The following GNB4 variants were observed in gnomAD, a reference collection of about 807,000 sequenced individuals.
GNB4 encodes the protein G protein subunit beta 4, also known as guanine nucleotide-binding protein subunit beta-4.
A neutral mutation model predicts 45.2 loss-of-function variants in GNB4; 28 were observed. The observed-to-expected ratio is 0.62, with a 90% confidence interval of 0.46 to 0.85. GNB4 has a LOEUF of 0.85. Among genes scored for constraint, GNB4 ranks in the 40% least tolerant of loss-of-function variants. GNB4 has a pLI of 0.00. For synonymous variants in GNB4, 132 were observed against 143.7 expected (o/e 0.92, Z 0.58); for missense variants, 321 against 425.4 (o/e 0.75, Z 2.16).
intron 1 of GNB4, among the ~76,000 whole-genome samples, chr3:179,428,881 C>T (rs1715222844): frequency 6.6e-6 from 1 of 152,138 alleles, no homozygotes; most frequent in South Asian, 2.1e-4. Flanking sequence ...CAGGAGTTAC[C>T]TGTAATAAGA....
the GNB4 span, among the ~76,000 whole-genome samples, chr3:179,509,162 TATAC>T: frequency 2.5e-5 from 2 of 78,920 alleles, no homozygotes; most frequent in Non-Finnish European, 5.4e-5. Context: ...TATGCATATA[TATAC>T]ATACACACAC....
chr3:179,453,928 G>T (rs1715941156), upstream of GNB4, among the ~76,000 whole-genome samples: 1 of 151,520 alleles, frequency 6.6e-6, no homozygotes, highest in South Asian at 2.1e-4. Flanking sequence ...AAAGAATTTT[G>T]TCATCAGGAA....
At chr3:179,420,112 A>G (rs575666694) in intron 3 of GNB4, among the ~76,000 whole-genome samples, 123 of 151,146 alleles carry the variant, frequency 8.1e-4, no homozygotes, top group African/African-American at 2.9e-3. Context: ...ATACATATAT[A>G]TATACATACA....
the GNB4 span, among the ~76,000 whole-genome samples, chr3:179,469,737 CTCTT>C: frequency 1.3e-5 from 2 of 152,196 alleles, no homozygotes; most frequent in African/African-American, 4.8e-5. Context: ...TCTTTCCTCT[CTCTT>C]TCCACCACAG....
intron 4 of GNB4, among the ~76,000 whole-genome samples, chr3:179,418,762 T>C (rs1378734714): frequency 6.6e-6 from 1 of 152,248 alleles, no homozygotes; most frequent in Non-Finnish European, 1.5e-5. Context: ...ACCACTGTGA[T>C]AGCAGACACA....
chr3:179,453,494 G>A (rs1715934786), upstream of GNB4, among the ~76,000 whole-genome samples: 1 of 152,170 alleles, frequency 6.6e-6, no homozygotes. Context: ...ATAAAGCTTT[G>A]AGAGCTGGTT....
chr3:179,522,875 G>A, the GNB4 span, among the ~76,000 whole-genome samples: 607 of 152,286 alleles, frequency 4.0e-3, 3 homozygotes, highest in African/African-American at 0.014. Flanking sequence ...GGTCCTGGCT[G>A]TTGTGTAGGA....
the GNB4 span, among the ~76,000 whole-genome samples, chr3:179,526,000 T>C: frequency 6.6e-6 from 1 of 152,198 alleles, no homozygotes; most frequent in African/African-American, 2.4e-5. Flanking sequence ...ACAGGCTTTG[T>C]GTGAGCAACA....
At chr3:179,415,235 ATTGTT>A (rs1236859342) in intron 5 of GNB4, among the ~76,000 whole-genome samples, 188 bp from the exon 6 acceptor site, 2 of 152,304 alleles carry the variant, frequency 1.3e-5, no homozygotes, top group Admixed American at 6.5e-5. Context: ...TAAAATGCCT[ATTGTT>A]TTGTATTATC....
chr3:179,469,379 G>T, the GNB4 span, among the ~76,000 whole-genome samples: 1 of 152,128 alleles, frequency 6.6e-6, no homozygotes, highest in South Asian at 2.1e-4. Context: ...CTGAAAAAAT[G>T]AGATAAATCA....
At position 179,413,697 on chromosome 3, in the gene GNB4, C is replaced by G. The variant is rs369750242; in HGVS notation, c.497+18G>C. The G allele has an allele frequency of 7.4e-6, 12 of 1,612,098 alleles. No individual in the cohort carries two copies. In the African/African-American group the frequency reaches 1.6e-4, roughly 22 times the overall value. ...CACCCTCAAACCCATAATCAGTGTG[C>G]TTCTGGAATAAACTTACCAAGTTGT... On this transcript the variant is annotated intron_variant, in intron 7 of 9. Coordinates refer to ENST00000232564, the MANE Select transcript of GNB4 (RefSeq NM_021629.4).
At chr3:179,405,087 C>G (rs1714423602) in intron 9 of GNB4, 103 bp downstream of exon 9, 1 of 766,910 alleles carries the variant, frequency 1.3e-6, no homozygotes, top group Non-Finnish European at 2.1e-6. Context: ...CGGGTTACCA[C>G]TTTCCACAAC....
At position 179,398,627 on chromosome 3, in the gene GNB4, C is replaced by T. The variant is rs1714192232; in HGVS notation, c.*2586G>A. 6.6e-6 allele frequency: 1 copy of T among 151,846 alleles called. No individual in the cohort carries two copies. Among genetic ancestry groups the T allele is most frequent in the Admixed American group, 6.6e-5 (1 of 15,246 alleles). 9.4% of individuals were successfully genotyped at this position (151,846 alleles called of 1,614,324 possible). On this transcript the variant is annotated 3_prime_UTR_variant, in exon 10 of 10. Transcript: ENST00000232564. ...TCAGCCTTAAAAACTAAGATCCAAA[C>T]TATTCAACATCTCTACAAATTATAT...
rs112819515 is a variant in GNB4 at position 179,419,311 on chromosome 3, T to C, written c.203+88A>G. Reference sequence around the variant, plus strand: ...GCAAACGCTTCATGAATATATTCTGTTTTTAAACAAAGAAAATGCAAATGA... The same window carrying C: ...GCAAACGCTTCATGAATATATTCTGCTTTTAAACAAAGAAAATGCAAATGA... On this transcript the variant is annotated intron_variant, in intron 4 of 9. Transcript: ENST00000232564. 3,624 of 875,768 alleles carry C rather than the reference T, an allele frequency of 4.1e-3. 96 individuals carry two copies. The African/African-American group carries it at 0.052, about 13-fold the overall frequency. 54.2% of individuals were successfully genotyped at this position (875,768 alleles called of 1,614,324 possible). A position where few individuals can be genotyped will look rare whatever the true frequency, so the allele number is the denominator to read the frequency against.
the GNB4 span, among the ~76,000 whole-genome samples, chr3:179,519,979 C>G: frequency 6.6e-6 from 1 of 152,188 alleles, no homozygotes; most frequent in Non-Finnish European, 1.5e-5. Flanking sequence ...GAAAGCCTTA[C>G]AGGTTAGTTC....
chr3:179,416,632 T>C (rs1168409600), intron 4 of GNB4, 76 bp from the exon 5 acceptor site: 4 of 773,052 alleles, frequency 5.2e-6, no homozygotes, highest in Non-Finnish European at 8.4e-6. Context: ...ATTGCATTAA[T>C]GTAGAATAAT....
At chr3:179,476,865 A>G in the GNB4 span, among the ~76,000 whole-genome samples, 2 of 152,254 alleles carry the variant, frequency 1.3e-5, no homozygotes, top group East Asian at 3.9e-4. Context: ...TTTCTAAAAA[A>G]TCTTTTAGTT....
At chr3:179,513,694 A>G in the GNB4 span, among the ~76,000 whole-genome samples, 4 of 152,168 alleles carry the variant, frequency 2.6e-5, no homozygotes, top group Non-Finnish European at 5.9e-5. Context: ...GCTTCATAAC[A>G]TCAATGTTCT....
At chr3:179,409,204 T>C (rs1714570051) in intron 8 of GNB4, among the ~76,000 whole-genome samples, 1 of 151,632 alleles carries the variant, frequency 6.6e-6, no homozygotes, top group South Asian at 2.1e-4. Context: ...GACATCAGCT[T>C]CTATCTTAAA....
Sources: allele counts gnomAD v4.1 joint callset (sites outside exome capture counted in the v4.1 genomes callset), GRCh38; gene constraint gnomAD v4.1.1; transcripts MANE v1.5; gene names NCBI Gene and HGNC (gene_info 2026-07-23, HGNC 2026-07-21).